The following DSP variants were observed in gnomAD, a reference collection of about 807,000 sequenced individuals.
DSP encodes the protein desmoplakin.
A neutral mutation model predicts 290.6 loss-of-function variants in DSP; 114 were observed. The observed-to-expected ratio is 0.39, with a 90% CI of 0.34 to 0.46. DSP has a LOEUF of 0.46. DSP is among the 20% of genes least tolerant of loss of function. The pLI, the probability that DSP is intolerant of heterozygous loss-of-function variation, is 0.99. For synonymous variants in DSP, 1,311 were observed against 1,316.4 expected, an observed-to-expected ratio of 1.00 and a Z score of 0.09; for missense variants, 3,230 against 3,495.8, an observed-to-expected ratio of 0.92 and a Z score of 1.92.
rs727504704 is a variant in DSP at position 7,585,746 on chromosome 6, CTCCCGCTCGGGA to C, written c.8487_8498del (p.Ser2843_Arg2846del). The C allele has an allele frequency of 4.2e-5, 68 of 1,610,218 alleles. No homozygotes were observed. Among genetic ancestry groups the C allele is most frequent in the Non-Finnish European group, 5.8e-5 (68 of 1,178,014 alleles). ...CTTCGGCTCCGGGGTCCCGCTCCGG[CTCCCGCTCGGGA>C]TCTCGCTCCGGATCTCGCTCCGGGT... On this transcript the variant is annotated inframe_deletion, in exon 24 of 24. Coordinates refer to ENST00000379802, the MANE Select transcript of DSP (RefSeq NM_004415.4).
chr6:7,559,399 G>A lies in DSP; in HGVS notation c.596G>A (p.Arg199Lys), dbSNP rs143648545. The change falls in exon 4 of 24, where the codon AGG (arginine) becomes AAG (lysine). Residue 199 changes from arginine to lysine, a missense_variant and splice_region_variant. Coordinates refer to ENST00000379802, the MANE Select transcript of DSP (RefSeq NM_004415.4). Reference sequence around the variant, plus strand: ...TGTTTGGGGTGGATGAGGCAGCAAAGGGTAAGCAGCTTCTTGAACAGCCCA... The same window carrying A: ...TGTTTGGGGTGGATGAGGCAGCAAAAGGTAAGCAGCTTCTTGAACAGCCCA... ...SECLGWMRQQRAEMDMVAWGV... is the reference protein window; with the variant it reads ...SECLGWMRQQKAEMDMVAWGV... 6.2e-6 allele frequency: 10 copies of A among 1,612,440 alleles called. No individual in the cohort carries two copies. The African/African-American group carries it at 1.3e-4, about 22-fold the overall frequency.
intron 3 of DSP, 59 bp downstream of exon 3, chr6:7,558,323 GT>G (rs1758567736): frequency 1.3e-6 from 2 of 1,576,840 alleles, no homozygotes. Flanking sequence ...CACATAACCA[GT>G]TACACTCAAT....
chr6:7,554,125 A>ACACACG (rs772041102), intron 1 of DSP, among the ~76,000 whole-genome samples: 1 of 144,516 alleles, frequency 6.9e-6, no homozygotes, highest in Admixed American at 6.9e-5. Flanking sequence ...ACACACACAC[A>ACACACG]CCCAGTTGGT....
Position 7,580,857 on chromosome 6 carries a change from T to C in DSP, c.4667T>C (p.Ile1556Thr). 6.2e-7 allele frequency: 1 copy of C among 1,614,038 alleles called. No individual in the cohort carries two copies. Residue 1556 changes from isoleucine (I) to threonine (T), a missense_variant, in exon 23 of 24, where the codon ATC (isoleucine) becomes ACC (threonine). Coordinates refer to ENST00000379802, the MANE Select transcript of DSP (RefSeq NM_004415.4). This position sits in a 1 kb window ranked among gnomAD's most constrained non-coding sequence, Gnocchi z 4.2. ...SQERTVKDQD[I>T]TRFQNSLKEL... is the part of the protein sequence containing the mutation. ...GAGAGGACTGTGAAGGACCAGGATA[T>C]CACGCGGTTCCAGAACTCTCTGAAA...
Position 7,565,998 on chromosome 6 carries a change from G to A in DSP, c.940-379G>A, listed in dbSNP as rs1758851857. On this transcript the variant is annotated intron_variant, in intron 7 of 23. Transcript: ENST00000379802. This position sits in a 1 kb window ranked among gnomAD's most constrained non-coding sequence, Gnocchi z 4.2. ...TTAAAATAAAAGTTAAAAAGAAAAA[G>A]AGGGGCAATACCTTGTTTAATATCC... is the stretch of plus-strand genomic sequence containing the variant. Among the ~76,000 whole-genome samples, 1 of 152,168 alleles carries A rather than the reference G, an allele frequency of 6.6e-6. No homozygotes were observed. The highest frequency in any genetic ancestry group is 1.5e-5 in the Non-Finnish European group (1 of 68,036).
chr6:7,575,598 G>A lies in DSP; in HGVS notation c.2630+110G>A. The stretch of plus-strand genomic sequence containing the variant: ...AGAAAACAGAGGTTTTGTTTTTTGT[G>A]TAAGTTAGGCGTAACAGATGCTCTT... On this transcript the variant is annotated intron_variant, in intron 18 of 23. Coordinates refer to ENST00000379802, the MANE Select transcript of DSP (RefSeq NM_004415.4). 6 of 1,329,012 alleles carry A rather than the reference G, an allele frequency of 4.5e-6. No homozygotes were observed. In the South Asian group the frequency reaches 7.4e-5, roughly 16 times the overall value. The allele number at this position is 1,329,012 out of a possible 1,614,324, so 82.3% of individuals were successfully genotyped here.
Position 7,542,095 on chromosome 6 carries a change from T to C in DSP, c.170+10T>C, listed in dbSNP as rs1487864505. 3 of 1,555,502 alleles carry C rather than the reference T, an allele frequency of 1.9e-6. No homozygotes were observed. Among genetic ancestry groups the C allele is most frequent in the Non-Finnish European group, 2.6e-6 (3 of 1,149,834 alleles). The stretch of plus-strand genomic sequence containing the variant: ...ACTCGGACGGCTACTGGTGGGTACC[T>C]GCCCGGAGAGCGCGGGCTGCGGGGC... On this transcript the variant is annotated intron_variant, in intron 1 of 23. Transcript: ENST00000379802.
At chr6:7,575,950 G>A (rs1457448868) in intron 18 of DSP, among the ~76,000 whole-genome samples, 3 of 152,206 alleles carry the variant, frequency 2.0e-5, no homozygotes, top group Admixed American at 6.5e-5. Context: ...GTAGTCCATT[G>A]TGACTGGCTT....
chr6:7,555,930 GT>G, intron 2 of DSP, 110 bp downstream of exon 2: 1 of 894,954 alleles, frequency 1.1e-6, no homozygotes, highest in Non-Finnish European at 1.8e-6. Context: ...TTCACGTAGT[GT>G]TTAGAGACAC....
At chr6:7,562,828 G>A in intron 5 of DSP, 48 bp downstream of exon 5, 1 of 1,612,328 alleles carries the variant, frequency 6.2e-7, no homozygotes, top group South Asian at 1.1e-5. Flanking sequence ...TCTACCGAAG[G>A]ATCGTGTAAT....
rs982933033 is a variant in DSP, at chr6:7,555,725, G to C, written c.178G>C (p.Gly60Arg). 1 of 1,614,022 alleles carries C rather than the reference G, an allele frequency of 6.2e-7. No homozygotes were observed. Among genetic ancestry groups the C allele is most frequent in the Non-Finnish European group, 8.5e-7 (1 of 1,179,994 alleles). Residue 60 changes from glycine to arginine, a missense_variant, in exon 2 of 24, where the codon GGC (glycine) becomes CGC (arginine). Around this residue, in one of 5 missense-constraint regions of DSP, gnomAD observed 646 missense variants for 684.3 expected, o/e 0.94. Transcript: ENST00000379802. ...DQNSDGYCQT[G>R]TMSRHQNQNT... ...CTGTGTTTGCCTCCTTAGTCAAACC[G>C]GCACGATGTCCAGGCACCAGAACCA...
chr6:7,557,396 T>C (rs1167318462), intron 2 of DSP, among the ~76,000 whole-genome samples: 7 of 152,162 alleles, frequency 4.6e-5, no homozygotes, highest in Non-Finnish European at 1.0e-4. Flanking sequence ...AACTAAAACG[T>C]TGGCCAGGCG....
chr6:7,552,662 GTTTTT>G (rs67361560), intron 1 of DSP, among the ~76,000 whole-genome samples: 2 of 109,512 alleles, frequency 1.8e-5, no homozygotes, highest in South Asian at 3.0e-4. Flanking sequence ...GTTACCTGTT[GTTTTT>G]TTTTTTTTTT....
chr6:7,555,588 A>G, intron 1 of DSP, 130 bp from the exon 2 acceptor site: 2 of 742,574 alleles, frequency 2.7e-6, no homozygotes, highest in Middle Eastern at 2.3e-4. Flanking sequence ...AATGTTAACA[A>G]TTGGGATTCC....
At chr6:7,560,006 C>G (rs537345770) in intron 4 of DSP, among the ~76,000 whole-genome samples, 156 of 152,222 alleles carry the variant, frequency 1.0e-3, no homozygotes, top group Non-Finnish European at 1.8e-3. Context: ...TTCCCTAGAA[C>G]TGGAGTTTCT....
intron 1 of DSP, among the ~76,000 whole-genome samples, chr6:7,547,994 G>A (rs9505228): frequency 0.022 from 3,363 of 152,230 alleles, 135 homozygotes; most frequent in African/African-American, 0.077. Flanking sequence ...TTTCTGCCGG[G>A]CGCGGTGGCT....
chr6:7,570,679 A>G (rs766026590), intron 13 of DSP, 116 bp downstream of exon 13: 92 of 1,467,962 alleles, frequency 6.3e-5, no homozygotes, highest in Middle Eastern at 4.9e-4. Flanking sequence ...TGTCTCGTCA[A>G]GCAAGTCAGC....
chr6:7,585,827 T>G lies in DSP; in HGVS notation c.8565T>G (p.Asn2855Lys). Residue 2855 changes from asparagine to lysine, a missense_variant, in exon 24 of 24, where the codon AAT becomes AAG. Coordinates refer to ENST00000379802, the MANE Select transcript of DSP (RefSeq NM_004415.4). ...SRRGSFDATG[N>K]SSYSYSYSFS... is the part of the protein sequence containing the mutation. ...GAGGAAGCTTTGACGCCACAGGGAA[T>G]TCTTCCTACTCTTATTCCTACTCAT... 4 of 1,612,860 alleles carry G rather than the reference T, an allele frequency of 2.5e-6. No individual in the cohort carries two copies. Among genetic ancestry groups the G allele is most frequent in the Non-Finnish European group, 3.4e-6 (4 of 1,179,706 alleles).
At chr6:7,574,457 G>A (rs1022811329) in intron 16 of DSP, among the ~76,000 whole-genome samples, 200 bp from the exon 17 acceptor site, 1 of 152,118 alleles carries the variant, frequency 6.6e-6, no homozygotes, top group Non-Finnish European at 1.5e-5. Flanking sequence ...TTAGAACTAA[G>A]TTATGCTCTA....
Sources: gnomAD v4.1 joint callset for allele counts (sites outside exome capture counted in the v4.1 genomes callset) on GRCh38, gnomAD v4.1.1 for gene constraint, gnomAD v4.1.1 regional missense constraint, Gnocchi (gnomAD v3.1) non-coding constraint, MANE v1.5 for transcripts, NCBI Gene and HGNC (gene_info 2026-07-23, HGNC 2026-07-21) for gene names.